The following CNTNAP2 variants were observed in gnomAD, a reference collection of about 807,000 sequenced individuals.
CNTNAP2 encodes contactin associated protein 2.
A neutral mutation model predicts 155.2 loss-of-function variants in CNTNAP2; 98 were observed. The ratio of observed to expected loss-of-function variants is 0.63; its 90% CI spans 0.54 to 0.75. CNTNAP2 has a LOEUF of 0.75. Among genes scored for constraint, CNTNAP2 ranks in the 30% least tolerant of loss-of-function variants. The pLI is 0.00. For synonymous variants in CNTNAP2, 651 were observed against 631.2 expected (o/e 1.03, Z -0.47); for missense variants, 1,727 against 1,688.1 (o/e 1.02, Z -0.40).
chr7:146,947,592 T>A lies in CNTNAP2; in HGVS notation c.403-96315T>A, dbSNP rs1013728176. On this transcript the variant is annotated intron_variant, in intron 3 of 23. Transcript: ENST00000361727. ...ATATATATACATATATATATATATA[T>A]ATATATGTATATATCTTTCAAAATA... is the stretch of plus-strand genomic sequence containing the variant. 5.4e-4 allele frequency among the ~76,000 whole-genome samples: 76 copies of A among 141,794 alleles called. 1 individual carries two copies. The East Asian group carries it at 0.014, about 26-fold the overall frequency. The allele number at this position is 141,794 out of a possible 152,430, so 93.0% of individuals were successfully genotyped here.
chr7:147,917,308 T>G (rs944047593), intron 14 of CNTNAP2, among the ~76,000 whole-genome samples: 4 of 152,220 alleles, frequency 2.6e-5, no homozygotes, highest in Non-Finnish European at 5.9e-5. Flanking sequence ...TAAAAACCAT[T>G]GATATAGGGC....
In CNTNAP2 at chr7:147,532,458, G is replaced by A. The variant is rs980806520; in HGVS notation, c.1778-29680G>A. On this transcript the variant is annotated intron_variant, in intron 11 of 23. Coordinates refer to ENST00000361727, the MANE Select transcript of CNTNAP2 (RefSeq NM_014141.6). The stretch of plus-strand genomic sequence containing the variant: ...ACAAAGCCATTCAACAAGTCTCTAG[G>A]AGGTTCCAAACTTTCCCACATTTTC... 1.2e-4 allele frequency among the ~76,000 whole-genome samples: 19 copies of A among 152,254 alleles called. No individual in the cohort carries two copies. In the South Asian group the frequency reaches 2.3e-3, roughly 18 times the overall value.
At chr7:146,158,644 T>A (rs1027658775) in intron 1 of CNTNAP2, among the ~76,000 whole-genome samples, 1 of 152,096 alleles carries the variant, frequency 6.6e-6, no homozygotes, top group South Asian at 2.1e-4. Flanking sequence ...AGGGTACCAG[T>A]GATTGAAGAT....
intron 20 of CNTNAP2, among the ~76,000 whole-genome samples, chr7:148,263,820 G>A (rs1330819015): frequency 6.6e-6 from 1 of 151,618 alleles, no homozygotes; most frequent in Non-Finnish European, 1.5e-5. Flanking sequence ...CAACCACGCA[G>A]ACATAGGAAG....
At chr7:146,656,492 T>G (rs1484796699) in intron 1 of CNTNAP2, among the ~76,000 whole-genome samples, 1 of 152,218 alleles carries the variant, frequency 6.6e-6, no homozygotes, top group Non-Finnish European at 1.5e-5. Context: ...GGCAATTTAC[T>G]TTCACATTTT....
chr7:146,209,825 G>T (rs993626034), intron 1 of CNTNAP2, among the ~76,000 whole-genome samples: 4 of 152,006 alleles, frequency 2.6e-5, no homozygotes, highest in Admixed American at 2.0e-4. Flanking sequence ...ATTAATGAAG[G>T]CATATTGTAA....
rs535650409 is a variant in CNTNAP2 at position 147,748,065 on chromosome 7, A to G, written c.2098+108759A>G. Among the ~76,000 whole-genome samples the G allele has an allele frequency of 1.8e-4, 28 of 152,012 alleles. No homozygotes were observed. The East Asian group carries it at 5.4e-3, about 29-fold the overall frequency. Reference sequence around the variant, plus strand: ...CCTTTTAAGAACCATAATCAGATCTAATGATTTGCAAGATAGAAAAGAACA... The same window carrying G: ...CCTTTTAAGAACCATAATCAGATCTGATGATTTGCAAGATAGAAAAGAACA... On this transcript the variant is annotated intron_variant, in intron 13 of 23. Transcript: ENST00000361727.
chr7:148,294,273 A>G (rs1277618596), intron 21 of CNTNAP2, among the ~76,000 whole-genome samples: 1 of 152,100 alleles, frequency 6.6e-6, no homozygotes, highest in Non-Finnish European at 1.5e-5. Flanking sequence ...ATGTTATTGT[A>G]TTGTCCTTTA....
At chr7:147,763,534 A>G (rs1386119534) in intron 13 of CNTNAP2, among the ~76,000 whole-genome samples, 2 of 152,168 alleles carry the variant, frequency 1.3e-5, no homozygotes, top group Non-Finnish European at 2.9e-5. Context: ...TAAAGGTAGA[A>G]CAGCTCTCCT....
At chr7:146,220,846 C>T (rs550752336) in intron 1 of CNTNAP2, among the ~76,000 whole-genome samples, 1 of 152,290 alleles carries the variant, frequency 6.6e-6, no homozygotes, top group Non-Finnish European at 1.5e-5. Context: ...AGAATAGAAA[C>T]ACTTTGGAAC....
At chr7:146,201,968 C>CAAA (rs10674487) in intron 1 of CNTNAP2, among the ~76,000 whole-genome samples, 7 of 151,754 alleles carry the variant, frequency 4.6e-5, no homozygotes, top group African/African-American at 1.7e-4. Context: ...ATCAAATCGA[C>CAAA]AAAAAAGTCA....
intron 1 of CNTNAP2, among the ~76,000 whole-genome samples, chr7:146,698,805 T>C (rs1800828039): frequency 6.6e-6 from 1 of 152,184 alleles, no homozygotes; most frequent in South Asian, 2.1e-4. Context: ...GAATGTGCTC[T>C]TCCATATTTT....
At chr7:147,755,216 G>A (rs1279167922) in intron 13 of CNTNAP2, among the ~76,000 whole-genome samples, 2 of 152,142 alleles carry the variant, frequency 1.3e-5, no homozygotes, top group African/African-American at 4.8e-5. Flanking sequence ...ATAGTGACTT[G>A]GGGCACTGAT....
intron 1 of CNTNAP2, among the ~76,000 whole-genome samples, chr7:146,545,715 GC>G (rs1476939627): frequency 1.3e-5 from 2 of 151,868 alleles, no homozygotes; most frequent in Non-Finnish European, 2.9e-5. Context: ...AAATAGGAAT[GC>G]TTTTACACTG....
At chr7:147,584,914 G>A (rs1364791110) in intron 12 of CNTNAP2, among the ~76,000 whole-genome samples, 1 of 152,080 alleles carries the variant, frequency 6.6e-6, no homozygotes, top group African/African-American at 2.4e-5. Context: ...GCCCTTGATG[G>A]CCTGCGGAGA....
At chr7:147,429,152 GTATATA>G (rs141561595) in intron 10 of CNTNAP2, among the ~76,000 whole-genome samples, 1 of 145,840 alleles carries the variant, frequency 6.9e-6, no homozygotes, top group Non-Finnish European at 1.5e-5. Flanking sequence ...GTGTGTTTGT[GTATATA>G]TATATATATA....
chr7:147,315,064 C>A (rs1224400437), intron 9 of CNTNAP2, among the ~76,000 whole-genome samples: 2 of 144,182 alleles, frequency 1.4e-5, no homozygotes, highest in South Asian at 2.2e-4. Flanking sequence ...TGTTTCATAC[C>A]AGGCTTTCAC....
chr7:146,560,526 C>A (rs1033382220), intron 1 of CNTNAP2, among the ~76,000 whole-genome samples: 2 of 151,848 alleles, frequency 1.3e-5, no homozygotes, highest in African/African-American at 4.8e-5. Flanking sequence ...TCATACATGG[C>A]TAATTATTTC....
At chr7:147,598,881 C>T (rs1446790866) in intron 12 of CNTNAP2, among the ~76,000 whole-genome samples, 8 of 152,106 alleles carry the variant, frequency 5.3e-5, no homozygotes, top group Admixed American at 5.2e-4. Flanking sequence ...GCACTGCTCC[C>T]TCCTGCCACC....
Sources: allele counts gnomAD v4.1 joint callset (sites outside exome capture counted in the v4.1 genomes callset), GRCh38; gene constraint gnomAD v4.1.1; transcripts MANE v1.5; gene names NCBI Gene and HGNC (gene_info 2026-07-23, HGNC 2026-07-21).